The following USH2A variants were observed in gnomAD, a reference collection of about 807,000 sequenced individuals.
The protein encoded by USH2A is Usher syndrome 2A (autosomal recessive, mild).
USH2A carries 443 observed loss-of-function variants against 538.9 expected under a neutral mutation model. The ratio of observed to expected loss-of-function variants is 0.82; its 90% CI spans 0.76 to 0.89. The LOEUF (loss-of-function observed/expected upper bound fraction) is 0.89. Among genes scored for constraint, USH2A ranks in the 40% least tolerant of loss-of-function variants. The probability of loss-of-function intolerance (pLI) is 0.00; values close to 1 mark genes in which losing one functional copy is unlikely to be tolerated. For missense variants in USH2A, 6,633 were observed against 6,324.8 expected, an observed-to-expected ratio of 1.05 and a Z score of -1.65; for synonymous variants, 2,413 against 2,273.5, an observed-to-expected ratio of 1.06 and a Z score of -1.75.
At position 215,674,770 on chromosome 1, in the gene USH2A, CT is replaced by C. The variant is rs1352065277; in HGVS notation, c.13140del (p.Val4381CysfsTer10). 1.2e-6 allele frequency: 2 copies of C among 1,614,140 alleles called. No homozygotes were observed. Among genetic ancestry groups the C allele is most frequent in the East Asian group, 2.2e-5 (1 of 44,852 alleles). ...TQMNVCWSPP[T>X]VQNGKITKYL... The stretch of plus-strand genomic sequence containing the variant: ...TATTTAGTAATCTTTCCATTTTGCA[CT>C]GTGGGCGGTGACCAACATACATTCA... On this transcript the variant is annotated frameshift_variant, in exon 63 of 72. Transcript: ENST00000307340. LOFTEE classifies it high-confidence loss of function.
intron 60 of USH2A, among the ~76,000 whole-genome samples, chr1:215,728,777 T>C (rs1025384130): frequency 1.2e-4 from 19 of 152,214 alleles, no homozygotes; most frequent in Non-Finnish European, 2.8e-4. Context: ...AACAAACATA[T>C]TTAAAATCTT....
At chr1:216,164,642 A>G (rs2034131844) in intron 21 of USH2A, among the ~76,000 whole-genome samples, 1 of 152,158 alleles carries the variant, frequency 6.6e-6, no homozygotes, top group African/African-American at 2.4e-5. Context: ...GTGGAAGAAG[A>G]AAGGTAACAA....
At chr1:216,401,949 A>G (rs1167382794) in intron 3 of USH2A, among the ~76,000 whole-genome samples, 2 of 152,142 alleles carry the variant, frequency 1.3e-5, no homozygotes, top group Non-Finnish European at 2.9e-5. Context: ...AAGTAGATGT[A>G]CTTAGTTCTA....
intron 61 of USH2A, among the ~76,000 whole-genome samples, chr1:215,689,988 A>C (rs1219535177): frequency 1.3e-5 from 2 of 152,164 alleles, no homozygotes; most frequent in East Asian, 3.9e-4. Context: ...TATCTTCTCT[A>C]TCTAGTTCTG....
intron 11 of USH2A, among the ~76,000 whole-genome samples, chr1:216,280,624 C>G (rs1428635384): frequency 6.6e-6 from 1 of 152,118 alleles, no homozygotes; most frequent in Non-Finnish European, 1.5e-5. Context: ...TTGACTGTGG[C>G]ATCAGTATTT....
At chr1:216,029,357 A>G (rs893753914) in intron 32 of USH2A, among the ~76,000 whole-genome samples, 1 of 152,072 alleles carries the variant, frequency 6.6e-6, no homozygotes, top group East Asian at 1.9e-4. Flanking sequence ...ATATTCTCCT[A>G]TTGATAAAGA....
At chr1:216,056,083 C>A (rs2030965981) in intron 30 of USH2A, among the ~76,000 whole-genome samples, 1 of 152,188 alleles carries the variant, frequency 6.6e-6, no homozygotes. Context: ...AAAGTATTAT[C>A]CAGTTAAGAT....
Position 215,782,764 on chromosome 1 carries a change from T to C in USH2A, c.10559A>G (p.Asn3520Ser), listed in dbSNP as rs777043718. The C allele has an allele frequency of 1.2e-4, 189 of 1,613,794 alleles. No homozygotes were observed. Among genetic ancestry groups the C allele is most frequent in the Non-Finnish European group, 1.6e-4 (185 of 1,179,882 alleles). The change falls in exon 53 of 72, where the codon AAC (asparagine) becomes AGC (serine). Residue 3520 changes from asparagine (N) to serine (S), a missense_variant. Asn to Ser is a conservative substitution (Grantham distance 46). Transcript: ENST00000307340. ...ATTTGATTGTATAGGTTTTCTCCAG[T>C]TTAAGACAATTGTATCTTCAAGATT... is the stretch of plus-strand genomic sequence containing the variant. ...IDNLEDTIVL[N>S]WRKPIQSNGP...
intron 21 of USH2A, among the ~76,000 whole-genome samples, chr1:216,121,962 G>A (rs571279507): frequency 6.6e-6 from 1 of 152,266 alleles, no homozygotes; most frequent in African/African-American, 2.4e-5. Context: ...ATCCATTCCA[G>A]TGAGGCTCCC....
chr1:215,890,660 T>A (rs1470648453), intron 40 of USH2A, among the ~76,000 whole-genome samples: 1 of 152,208 alleles, frequency 6.6e-6, no homozygotes, highest in Non-Finnish European at 1.5e-5. Context: ...AAAACCACTA[T>A]GCCATTTCTT....
At chr1:215,880,338 C>A (rs1404165337) in intron 41 of USH2A, among the ~76,000 whole-genome samples, 1 of 152,098 alleles carries the variant, frequency 6.6e-6, no homozygotes, top group African/African-American at 2.4e-5. Context: ...AGGGCTCTCA[C>A]CACATGCTAG....
chr1:216,367,880 G>C (rs1037941739), intron 3 of USH2A, among the ~76,000 whole-genome samples: 1 of 152,132 alleles, frequency 6.6e-6, no homozygotes, highest in South Asian at 2.1e-4. Context: ...ACATACAATG[G>C]AATTTCTGAT....
chr1:216,361,998 G>C (rs1196474214), intron 4 of USH2A, among the ~76,000 whole-genome samples: 1 of 152,106 alleles, frequency 6.6e-6, no homozygotes, highest in African/African-American at 2.4e-5. Flanking sequence ...TGTTCATTAG[G>C]GGACTCTGAG....
chr1:215,667,745 GA>G (rs1375229197), intron 64 of USH2A, among the ~76,000 whole-genome samples: 1 of 151,806 alleles, frequency 6.6e-6, no homozygotes, highest in Non-Finnish European at 1.5e-5. Context: ...AAAAAAAAAA[GA>G]AGAAAGAAAA....
intron 32 of USH2A, among the ~76,000 whole-genome samples, chr1:216,040,637 G>T (rs77151534): frequency 6.6e-6 from 1 of 151,946 alleles, no homozygotes; most frequent in East Asian, 1.9e-4. Flanking sequence ...CCTGAACTTT[G>T]AAACAATCCT....
chr1:215,670,013 T>C (rs1444460710), intron 64 of USH2A, among the ~76,000 whole-genome samples: 1 of 152,326 alleles, frequency 6.6e-6, no homozygotes, highest in African/African-American at 2.4e-5. Context: ...TTTCTTTGAC[T>C]GCAAGCAAGA....
intron 3 of USH2A, among the ~76,000 whole-genome samples, chr1:216,371,545 C>T (rs2038714310): frequency 6.6e-6 from 1 of 152,122 alleles, no homozygotes; most frequent in Non-Finnish European, 1.5e-5. Flanking sequence ...ACAGCTAATT[C>T]ACATCTACTC....
At chr1:216,249,549 C>G (rs551766912) in intron 12 of USH2A, among the ~76,000 whole-genome samples, 1 of 152,238 alleles carries the variant, frequency 6.6e-6, no homozygotes, top group East Asian at 1.9e-4. Context: ...ATGGATAGCA[C>G]ATACAAATAT....
chr1:216,091,183 T>C (rs2032292969), intron 22 of USH2A, among the ~76,000 whole-genome samples: 1 of 152,210 alleles, frequency 6.6e-6, no homozygotes, highest in Non-Finnish European at 1.5e-5. Context: ...TGGTGTCATA[T>C]TATGCATGTT....
Sources: gnomAD v4.1 joint callset for allele counts (sites outside exome capture counted in the v4.1 genomes callset) on GRCh38, gnomAD v4.1.1 for gene constraint, MANE v1.5 for transcripts, NCBI Gene and HGNC (gene_info 2026-07-23, HGNC 2026-07-21) for gene names.